UBR3: variants seen among roughly 807,000 people sequenced by gnomAD.
UBR3 encodes ubiquitin protein ligase E3 component n-recognin 3.
UBR3 carries 85 observed loss-of-function variants against 243.2 expected under a neutral mutation model. The ratio of observed to expected loss-of-function variants is 0.35; its 90% CI spans 0.29 to 0.42. The LOEUF (loss-of-function observed/expected upper bound fraction) is 0.42. Among genes scored for constraint, UBR3 ranks in the 10% least tolerant of loss-of-function variants. The pLI is 1.00. For synonymous variants in UBR3, 748 were observed against 799.8 expected, an observed-to-expected ratio of 0.94 and a Z score of 1.09; for missense variants, 1,686 against 2,300.8, an observed-to-expected ratio of 0.73 and a Z score of 5.47.
chr2:169,965,494 A>T (rs1303607586), intron 24 of UBR3, among the ~76,000 whole-genome samples: 3 of 152,180 alleles, frequency 2.0e-5, no homozygotes, highest in African/African-American at 7.2e-5. Context: ...AAAGTTTATA[A>T]ATTAAGCACA....
intron 32 of UBR3, among the ~76,000 whole-genome samples, chr2:170,050,116 T>C (rs914043795): frequency 2.0e-5 from 3 of 152,196 alleles, no homozygotes; most frequent in Non-Finnish European, 4.4e-5. Context: ...TGGTATCTTT[T>C]CTTGGTTCTA....
chr2:169,832,640 A>G (rs2105276348), intron 1 of UBR3, among the ~76,000 whole-genome samples: 1 of 151,094 alleles, frequency 6.6e-6, no homozygotes, highest in South Asian at 2.1e-4. Flanking sequence ...CATTGTCAGA[A>G]ATGCTTTATG....
intron 36 of UBR3, among the ~76,000 whole-genome samples, chr2:170,074,314 T>A (rs2091761062): frequency 6.6e-6 from 1 of 152,156 alleles, no homozygotes; most frequent in South Asian, 2.1e-4. Flanking sequence ...AATATAGGAC[T>A]TGGTGACCAG....
At chr2:169,933,094 C>A in intron 19 of UBR3, 86 bp downstream of exon 19, 2 of 848,748 alleles carry the variant, frequency 2.4e-6, no homozygotes, top group Middle Eastern at 2.3e-4. Context: ...ATGATATGCT[C>A]TCATTAAAGT....
At chr2:169,894,732 A>T (rs2084515899) in intron 6 of UBR3, among the ~76,000 whole-genome samples, 1 of 152,172 alleles carries the variant, frequency 6.6e-6, no homozygotes, top group African/African-American at 2.4e-5. Context: ...GTTATCCTGG[A>T]AGACACCTTG....
At chr2:169,986,953 A>G (rs542862779) in intron 25 of UBR3, among the ~76,000 whole-genome samples, 159 bp downstream of exon 25, 2 of 152,204 alleles carry the variant, frequency 1.3e-5, no homozygotes, top group East Asian at 3.8e-4. Context: ...TATCGGTTAT[A>G]TCTTATTTTC....
intron 19 of UBR3, among the ~76,000 whole-genome samples, chr2:169,938,181 A>C (rs73973160): frequency 0.057 from 8,703 of 152,022 alleles, 462 homozygotes; most frequent in African/African-American, 0.14. Context: ...CTCATTTTTT[A>C]ATTGCACTTT....
chr2:169,927,185 G>A, intron 16 of UBR3, 135 bp from the exon 17 acceptor site: 1 of 987,484 alleles, frequency 1.0e-6, no homozygotes, highest in South Asian at 1.8e-5. Context: ...AGTTATGTTT[G>A]GAGCATAGCT....
At chr2:169,910,047 C>G (rs1004504210) in intron 10 of UBR3, among the ~76,000 whole-genome samples, 2 of 151,966 alleles carry the variant, frequency 1.3e-5, no homozygotes, top group African/African-American at 4.8e-5. Flanking sequence ...TTAGAGAGAT[C>G]AGAGTTAGCT....
At chr2:169,909,260 G>A (rs1180944011) in intron 10 of UBR3, among the ~76,000 whole-genome samples, 1 of 152,274 alleles carries the variant, frequency 6.6e-6, no homozygotes, top group South Asian at 2.1e-4. Context: ...GTTTTAAGGA[G>A]AAGCCACTGA....
At chr2:169,989,451 C>A (rs1156488205) in intron 25 of UBR3, among the ~76,000 whole-genome samples, 1 of 152,114 alleles carries the variant, frequency 6.6e-6, no homozygotes. Context: ...CAGAATGTTG[C>A]TGTGATGTTT....
intron 32 of UBR3, among the ~76,000 whole-genome samples, chr2:170,042,267 A>C (rs878930789): frequency 2.6e-5 from 4 of 151,922 alleles, no homozygotes; most frequent in African/African-American, 9.7e-5. Flanking sequence ...CATGTTTTCA[A>C]GGTTTATCCA....
At chr2:169,906,306 T>C in intron 10 of UBR3, 142 bp downstream of exon 10, 1 of 1,005,894 alleles carries the variant, frequency 9.9e-7, no homozygotes, top group South Asian at 2.0e-5. Flanking sequence ...CCTGAGACAG[T>C]AATTTTCATT....
intron 23 of UBR3, among the ~76,000 whole-genome samples, chr2:169,957,009 A>C (rs1215888008): frequency 6.6e-6 from 1 of 152,152 alleles, no homozygotes; most frequent in Non-Finnish European, 1.5e-5. Flanking sequence ...AAAGGACATC[A>C]GTTCCTCTTT....
intron 10 of UBR3, among the ~76,000 whole-genome samples, chr2:169,906,664 G>C (rs1283033873): frequency 6.6e-6 from 1 of 152,052 alleles, no homozygotes; most frequent in Non-Finnish European, 1.5e-5. Flanking sequence ...CTAAAATTTT[G>C]ATAATAGACA....
intron 2 of UBR3, among the ~76,000 whole-genome samples, chr2:169,874,490 G>A (rs1404062343): frequency 6.6e-6 from 1 of 152,044 alleles, no homozygotes; most frequent in African/African-American, 2.4e-5. Context: ...TTTTTGTGTA[G>A]AGATTACTGT....
chr2:169,911,539 TG>T (rs2085253882), intron 10 of UBR3, among the ~76,000 whole-genome samples: 1 of 152,116 alleles, frequency 6.6e-6, no homozygotes, highest in Non-Finnish European at 1.5e-5. Context: ...CTGACTTTTT[TG>T]GGGGTTGAGG....
chr2:169,973,682 A>G (rs551345366), intron 24 of UBR3, among the ~76,000 whole-genome samples: 21 of 152,230 alleles, frequency 1.4e-4, no homozygotes, highest in African/African-American at 4.8e-4. Flanking sequence ...TTCCATTTGG[A>G]TGCCCATTAT....
At chr2:169,834,068 G>A (rs955888866) in intron 1 of UBR3, among the ~76,000 whole-genome samples, 4 of 152,180 alleles carry the variant, frequency 2.6e-5, no homozygotes, top group Non-Finnish European at 4.4e-5. Flanking sequence ...GATTATAGGC[G>A]TGAGCCACAG....
Sources: gnomAD v4.1 joint callset for allele counts (sites outside exome capture counted in the v4.1 genomes callset) on GRCh38, gnomAD v4.1.1 for gene constraint, MANE v1.5 for transcripts, NCBI Gene and HGNC (gene_info 2026-07-23, HGNC 2026-07-21) for gene names.